The following DIAPH1 variants were observed in gnomAD, a reference collection of about 807,000 sequenced individuals.
DIAPH1 encodes protein diaphanous homolog 1.
Under a neutral mutation model 140.7 loss-of-function variants are expected in DIAPH1, and 46 were observed. That is an observed-to-expected ratio of 0.33 (90% CI 0.26 to 0.42). The LOEUF is 0.42. Among genes scored for constraint, DIAPH1 ranks in the 10% least tolerant of loss-of-function variants. DIAPH1 has a pLI of 1.00. For synonymous variants in DIAPH1, 565 were observed against 551.6 expected (o/e 1.02, Z -0.34); for missense variants, 1,310 against 1,558.7 (o/e 0.84, Z 2.69).
rs768077893 is a variant in DIAPH1, at chr5:141,526,476, TA to T, written c.3274-16del. On this transcript the variant is annotated splice_polypyrimidine_tract_variant and intron_variant, in intron 24 of 27. Transcript: ENST00000389054. ...TTCACAAAGCTGTGCAGCCAAGGAG[TA>T]AAGGACCAAGACCAAGACCAAGAAG... The T allele has an allele frequency of 6.2e-7, 1 of 1,613,584 alleles. No individual in the cohort carries two copies. The highest frequency in any genetic ancestry group is 8.5e-7 in the Non-Finnish European group (1 of 1,179,960).
rs528398397 is a variant in DIAPH1, at chr5:141,526,702, GTGTT to G, written c.3274-245_3274-242del. 2.5e-4 allele frequency among the ~76,000 whole-genome samples: 37 copies of G among 146,410 alleles called. No homozygotes were observed. The South Asian group carries it at 5.0e-3, about 20-fold the overall frequency. On this transcript the variant is annotated intron_variant, in intron 24 of 27. Transcript: ENST00000389054. The stretch of plus-strand genomic sequence containing the variant: ...TAAACTGTTGTTTGTTTGTTTGTTT[GTGTT>G]TGTTTGTTTGAGACAGGGTTTTGTT...
intron 27 of DIAPH1, chr5:141,518,966 T>TC: frequency 6.4e-7 from 1 of 1,550,648 alleles, no homozygotes; most frequent in South Asian, 1.2e-5. Context: ...CTCCTCCTCC[T>TC]CCTCTACTTC....
chr5:141,517,388 C>T (rs1266891029), intron 27 of DIAPH1, among the ~76,000 whole-genome samples: 3 of 152,180 alleles, frequency 2.0e-5, no homozygotes, highest in Non-Finnish European at 2.9e-5. Flanking sequence ...AAGTTTAGTA[C>T]ATAGTATTAT....
At chr5:141,617,649 A>G (rs2099902899) in intron 1 of DIAPH1, among the ~76,000 whole-genome samples, 1 of 152,204 alleles carries the variant, frequency 6.6e-6, no homozygotes, top group South Asian at 2.1e-4. Context: ...AAGACAAAAG[A>G]GCTACAGTTA....
At chr5:141,526,542 A>G (rs1382977475) in intron 24 of DIAPH1, 81 bp from the exon 25 acceptor site, 1 of 1,553,560 alleles carries the variant, frequency 6.4e-7, no homozygotes, top group Non-Finnish European at 8.9e-7. Context: ...CTCAAAGATG[A>G]GTACTGGCAT....
chr5:141,599,396 AT>A (rs2099899804), intron 1 of DIAPH1, among the ~76,000 whole-genome samples: 1 of 152,190 alleles, frequency 6.6e-6, no homozygotes, highest in South Asian at 2.1e-4. Flanking sequence ...CTACAATTAT[AT>A]TTGAGTTCTT....
chr5:141,545,436 A>C (rs1038846553), intron 18 of DIAPH1, among the ~76,000 whole-genome samples: 4 of 152,126 alleles, frequency 2.6e-5, no homozygotes, highest in Non-Finnish European at 5.9e-5. Flanking sequence ...GGACTGCTTG[A>C]GTCCAGGAGC....
intron 18 of DIAPH1, among the ~76,000 whole-genome samples, chr5:141,553,469 AACTCTACTAAAAAT>A (rs749725871): frequency 5.7e-4 from 87 of 152,126 alleles, no homozygotes; most frequent in Non-Finnish European, 1.1e-3. Context: ...GCGAAACCCC[AACTCTACTAAAAAT>A]ACAAAAAATT....
At chr5:141,587,279 C>T (rs2099897683) in intron 2 of DIAPH1, 82 bp from the exon 3 acceptor site, 1 of 1,419,382 alleles carries the variant, frequency 7.0e-7, no homozygotes, top group Admixed American at 1.9e-5. Flanking sequence ...ACCCCTTTAA[C>T]CTCTTACACA....
intron 1 of DIAPH1, among the ~76,000 whole-genome samples, chr5:141,603,524 G>A (rs1347735242): frequency 1.3e-5 from 2 of 152,096 alleles, no homozygotes; most frequent in African/African-American, 2.4e-5. Context: ...CCCCACCCGG[G>A]AACAATGAAA....
chr5:141,522,636 CTTAATG>C (rs2099886734), intron 27 of DIAPH1, among the ~76,000 whole-genome samples: 1 of 150,304 alleles, frequency 6.7e-6, no homozygotes. Context: ...GCTAGAAATG[CTTAATG>C]TTAAGGCCAC....
chr5:141,558,916 TAA>T (rs11315376), intron 18 of DIAPH1, among the ~76,000 whole-genome samples: 49,980 of 143,710 alleles, frequency 0.35, 8,678 homozygotes, highest in African/African-American at 0.45. Context: ...CACAAGTTGT[TAA>T]AAAAAAAAAA....
intron 1 of DIAPH1, among the ~76,000 whole-genome samples, chr5:141,605,619 T>C (rs1404121547): frequency 6.6e-6 from 1 of 152,188 alleles, no homozygotes; most frequent in Admixed American, 6.5e-5. Context: ...GAGAAGAATA[T>C]TAGTGGAGTC....
chr5:141,527,878 A>T (rs1247120016), intron 23 of DIAPH1, among the ~76,000 whole-genome samples, 181 bp from the exon 24 acceptor site: 2 of 152,140 alleles, frequency 1.3e-5, no homozygotes, highest in African/African-American at 4.8e-5. Flanking sequence ...TTAAGTTTTC[A>T]TCTTTCCAGT....
chr5:141,618,925 A>G lies in DIAPH1; in HGVS notation c.-11T>C. The stretch of plus-strand genomic sequence containing the variant: ...GCCGGGCGGCTCCATGTCCCGGTTC[A>G]CGCTGGCCGGCGACCCCGCGCCTAC... On this transcript the variant is annotated 5_prime_UTR_variant, in exon 1 of 28. Coordinates refer to ENST00000389054, the MANE Select transcript of DIAPH1 (RefSeq NM_005219.5). 6.8e-7 allele frequency: 1 copy of G among 1,466,930 alleles called. No individual in the cohort carries two copies. 90.9% of individuals were successfully genotyped at this position (1,466,930 alleles called of 1,614,324 possible).
chr5:141,522,685 G>C (rs543045715), intron 27 of DIAPH1, among the ~76,000 whole-genome samples: 53 of 151,812 alleles, frequency 3.5e-4, no homozygotes, highest in African/African-American at 1.3e-3. Flanking sequence ...AAATAATGTT[G>C]TAAGAACCTA....
chr5:141,590,907 C>T (rs568045310), intron 1 of DIAPH1, among the ~76,000 whole-genome samples: 1 of 152,272 alleles, frequency 6.6e-6, no homozygotes, highest in Admixed American at 6.5e-5. Flanking sequence ...TCCCTGCCTT[C>T]AGTCCCATCT....
rs904820841 is a variant in DIAPH1 at position 141,536,309 on chromosome 5, T to A, written c.2483-1876A>T. Among the ~76,000 whole-genome samples the A allele has an allele frequency of 3.3e-5, 5 of 151,950 alleles. No homozygotes were observed. In the South Asian group the frequency reaches 1.0e-3, roughly 32 times the overall value. On this transcript the variant is annotated intron_variant, in intron 18 of 27. Coordinates refer to ENST00000389054, the MANE Select transcript of DIAPH1 (RefSeq NM_005219.5). Reference sequence around the variant, plus strand: ...ACAGTAAGAACCTGTCTCAAAAAAATTCACTGTTTTGGAGCTCAGTAGTCC... The same window carrying A: ...ACAGTAAGAACCTGTCTCAAAAAAAATCACTGTTTTGGAGCTCAGTAGTCC...
At chr5:141,554,425 G>A (rs749900402) in intron 18 of DIAPH1, among the ~76,000 whole-genome samples, 2 of 151,882 alleles carry the variant, frequency 1.3e-5, no homozygotes, top group Non-Finnish European at 2.9e-5. Context: ...GAACTAAATC[G>A]GTGATCAAAA....
Sources: gnomAD v4.1 joint callset for allele counts (sites outside exome capture counted in the v4.1 genomes callset) on GRCh38, gnomAD v4.1.1 for gene constraint, MANE v1.5 for transcripts, NCBI Gene and HGNC (gene_info 2026-07-23, HGNC 2026-07-21) for gene names.